The following UBTD1 variants were observed in gnomAD, a reference collection of about 807,000 sequenced individuals.
UBTD1 encodes the protein ubiquitin domain-containing protein 1.
Under a neutral mutation model 21.7 loss-of-function variants are expected in UBTD1, and 19 were observed. The ratio of observed to expected loss-of-function variants is 0.87; its 90% confidence interval spans 0.61 to 1.28. UBTD1 has a LOEUF of 1.28. Among genes scored for constraint, UBTD1 ranks in the 50% most tolerant of loss-of-function variants. The pLI, the probability that UBTD1 is intolerant of heterozygous loss-of-function variation, is 0.00. For missense variants in UBTD1, 282 were observed against 315.1 expected (o/e 0.89, Z 0.80); for synonymous variants, 116 against 135.1 (o/e 0.86, Z 0.98).
In UBTD1 at chr10:97,570,072, A is replaced by G. The variant is rs913110963; in HGVS notation, c.299-66A>G. The G allele has an allele frequency of 1.3e-6, 2 of 1,527,004 alleles. No homozygotes were observed. Among genetic ancestry groups the G allele is most frequent in the Admixed American group, 3.8e-5 (2 of 52,028 alleles). The allele number at this position is 1,527,004 out of a possible 1,614,324, so 94.6% of individuals were successfully genotyped here. On this transcript the variant is annotated intron_variant, in intron 2 of 2. Transcript: ENST00000370664. This position sits in a 1 kb window ranked among gnomAD's most constrained non-coding sequence, Gnocchi z 6.6. ...AGTTTCACCATATGAATTTGGGGGG[A>G]CCCAAACATTTAATCCATGATAGTG...
At chr10:97,563,799 T>TG (rs1289260276) in intron 1 of UBTD1, among the ~76,000 whole-genome samples, 2 of 151,704 alleles carry the variant, frequency 1.3e-5, no homozygotes, top group Non-Finnish European at 2.9e-5. Flanking sequence ...TCCGAGTGGG[T>TG]GGGGGGTGAC....
chr10:97,546,602 A>AG (rs2040611997), intron 1 of UBTD1, among the ~76,000 whole-genome samples: 1 of 150,182 alleles, frequency 6.7e-6, no homozygotes, highest in Non-Finnish European at 1.5e-5. Flanking sequence ...AAAAAAAAAA[A>AG]AAAAGCTGAC....
intron 1 of UBTD1, among the ~76,000 whole-genome samples, chr10:97,536,293 G>A (rs1191844709): frequency 6.6e-6 from 1 of 152,064 alleles, no homozygotes; most frequent in Non-Finnish European, 1.5e-5. Flanking sequence ...CACCCGGCCA[G>A]GAGAGAAATT....
chr10:97,504,671 T>C (rs1336598556), intron 1 of UBTD1, among the ~76,000 whole-genome samples: 2 of 152,246 alleles, frequency 1.3e-5, no homozygotes, highest in Non-Finnish European at 2.9e-5. Flanking sequence ...CACTCTGTGA[T>C]ACCAAGAGCA....
chr10:97,534,572 C>CGT (rs1589875499), intron 1 of UBTD1, among the ~76,000 whole-genome samples: 2 of 49,714 alleles, frequency 4.0e-5, no homozygotes, highest in South Asian at 2.5e-3. Context: ...AACACACACG[C>CGT]GCGCGCGCAC....
intron 1 of UBTD1, among the ~76,000 whole-genome samples, chr10:97,509,569 C>T (rs1337772271): frequency 6.6e-6 from 1 of 152,180 alleles, no homozygotes; most frequent in Non-Finnish European, 1.5e-5. Context: ...CTAGTCCTCC[C>T]TGGTCACCTT....
At chr10:97,527,125 G>A (rs1269160396) in intron 1 of UBTD1, among the ~76,000 whole-genome samples, 10 of 137,036 alleles carry the variant, frequency 7.3e-5, no homozygotes, top group South Asian at 2.3e-4. Context: ...AGCCAAGATC[G>A]TGCCACTGCA....
intron 1 of UBTD1, among the ~76,000 whole-genome samples, chr10:97,505,789 A>G (rs1394595961): frequency 1.3e-5 from 2 of 152,214 alleles, no homozygotes; most frequent in Non-Finnish European, 2.9e-5. Context: ...CCTGGATGAA[A>G]AGAGATTTTG....
intron 1 of UBTD1, among the ~76,000 whole-genome samples, chr10:97,562,459 A>G (rs1412735946): frequency 6.6e-6 from 1 of 152,190 alleles, no homozygotes; most frequent in African/African-American, 2.4e-5. Flanking sequence ...TGGTGGAGTT[A>G]GGAGCAATTT....
intron 1 of UBTD1, among the ~76,000 whole-genome samples, chr10:97,551,569 G>A (rs1196937185): frequency 6.6e-6 from 1 of 152,156 alleles, no homozygotes; most frequent in African/African-American, 2.4e-5. Flanking sequence ...GACAGGAGAT[G>A]TAAGTAGAAG....
intron 1 of UBTD1, among the ~76,000 whole-genome samples, chr10:97,547,621 G>A (rs2040617284): frequency 6.6e-6 from 1 of 152,130 alleles, no homozygotes; most frequent in Non-Finnish European, 1.5e-5. Context: ...CTGGAGTGCA[G>A]TGGCGTGATC....
At chr10:97,536,328 C>G (rs2040561672) in intron 1 of UBTD1, among the ~76,000 whole-genome samples, 1 of 152,126 alleles carries the variant, frequency 6.6e-6, no homozygotes, top group Non-Finnish European at 1.5e-5. Context: ...GTGAGGTGGT[C>G]ATACAAGGTC....
chr10:97,509,896 C>G (rs1057509642), intron 1 of UBTD1, among the ~76,000 whole-genome samples: 4 of 151,914 alleles, frequency 2.6e-5, no homozygotes, highest in Admixed American at 6.5e-5. Context: ...CGTGATCCAC[C>G]CACCTCAGCC....
Position 97,499,113 on chromosome 10 carries a change from G to A in UBTD1, c.-91G>A. Reference sequence around the variant, plus strand: ...GATCGGGGAGCGCCCGATGCCGGGCGGCCGGAGCCATTGACCCGGGACGCC... The same window carrying A: ...GATCGGGGAGCGCCCGATGCCGGGCAGCCGGAGCCATTGACCCGGGACGCC... On this transcript the variant is annotated 5_prime_UTR_variant, in exon 1 of 3. Coordinates refer to ENST00000370664, the MANE Select transcript of UBTD1 (RefSeq NM_024954.5). The A allele has an allele frequency of 7.2e-7, 1 of 1,385,834 alleles. No individual in the cohort carries two copies. The highest frequency in any genetic ancestry group is 2.7e-5 in the East Asian group (1 of 36,796). The allele number at this position is 1,385,834 out of a possible 1,614,324, so 85.8% of individuals were successfully genotyped here. A position where few individuals can be genotyped will look rare whatever the true frequency, so the allele number is the denominator to read the frequency against.
chr10:97,532,466 A>G (rs1403926407), intron 1 of UBTD1, among the ~76,000 whole-genome samples: 1 of 151,898 alleles, frequency 6.6e-6, no homozygotes, highest in Admixed American at 6.6e-5. Flanking sequence ...ACCAACATGG[A>G]GAAACCCCGT....
In UBTD1 at chr10:97,570,744, A is replaced by G; in HGVS notation, c.*221A>G. On this transcript the variant is annotated 3_prime_UTR_variant, in exon 3 of 3. Transcript: ENST00000370664. The surrounding 1 kb of genome is among the most constrained non-coding windows in gnomAD (Gnocchi z 6.6). ...GGGCCTTGCAACCTTGTCAGAGAAAAGGCGAACAGGGCCCTCACCCTGCCT... is the reference window on the plus strand; with the variant it reads ...GGGCCTTGCAACCTTGTCAGAGAAAGGGCGAACAGGGCCCTCACCCTGCCT... The G allele has an allele frequency of 1.8e-6, 1 of 566,752 alleles. No individual in the cohort carries two copies. The highest frequency in any genetic ancestry group is 2.8e-5 in the South Asian group (1 of 35,756). The allele number at this position is 566,752 out of a possible 1,614,324, so 35.1% of individuals were successfully genotyped here.
intron 1 of UBTD1, among the ~76,000 whole-genome samples, chr10:97,537,480 G>A (rs1031053395): frequency 1.3e-5 from 2 of 152,182 alleles, no homozygotes; most frequent in African/African-American, 4.8e-5. Flanking sequence ...GATCAGAAAT[G>A]CCTCACCTCC....
chr10:97,564,483 T>C (rs571219505), intron 1 of UBTD1, among the ~76,000 whole-genome samples: 1 of 152,318 alleles, frequency 6.6e-6, no homozygotes, highest in South Asian at 2.1e-4. Context: ...ATAGGAAACA[T>C]TTGCCATCTA....
intron 1 of UBTD1, among the ~76,000 whole-genome samples, chr10:97,509,052 A>C (rs1433563730): frequency 6.6e-6 from 1 of 152,222 alleles, no homozygotes; most frequent in African/African-American, 2.4e-5. Context: ...TGCTTGCAGA[A>C]TCAGGTGTCA....
Sources: gnomAD v4.1 joint callset for allele counts (sites outside exome capture counted in the v4.1 genomes callset) on GRCh38, gnomAD v4.1.1 for gene constraint, Gnocchi (gnomAD v3.1) non-coding constraint, MANE v1.5 for transcripts, NCBI Gene and HGNC (gene_info 2026-07-23, HGNC 2026-07-21) for gene names.